The following CCDC85A variants were observed in gnomAD, a reference collection of about 807,000 sequenced individuals.
CCDC85A encodes the protein coiled-coil domain-containing protein 85A.
A neutral mutation model predicts 50.2 loss-of-function variants in CCDC85A; 38 were observed. The observed-to-expected ratio is 0.76, with a 90% confidence interval of 0.58 to 0.99. The LOEUF (loss-of-function observed/expected upper bound fraction) is 0.99. Ranked by LOEUF, CCDC85A falls within the 50% of genes least tolerant of loss-of-function variation. The pLI is 0.00. For synonymous variants in CCDC85A, 366 were observed against 301.4 expected, an observed-to-expected ratio of 1.21 and a Z score of -2.22; for missense variants, 820 against 742.0, an observed-to-expected ratio of 1.11 and a Z score of -1.22.
At chr2:56,346,927 C>T (rs1474888224) in intron 3 of CCDC85A, among the ~76,000 whole-genome samples, 1 of 152,120 alleles carries the variant, frequency 6.6e-6, no homozygotes, top group Non-Finnish European at 1.5e-5. Context: ...GAACCTCAAA[C>T]AAAAATCGTG....
chr2:56,340,298 T>A (rs1231209021), intron 2 of CCDC85A, among the ~76,000 whole-genome samples: 1 of 152,202 alleles, frequency 6.6e-6, no homozygotes, highest in Non-Finnish European at 1.5e-5. Context: ...CATGATGAAA[T>A]TCAGATCAGG....
intron 2 of CCDC85A, among the ~76,000 whole-genome samples, chr2:56,246,987 A>T (rs994255783): frequency 4.6e-5 from 7 of 152,242 alleles, no homozygotes; most frequent in Admixed American, 3.9e-4. Flanking sequence ...TGTGATTATT[A>T]TAATTTTCAA....
rs151078771 is a variant in CCDC85A, at chr2:56,300,334, A to G, written c.1241-42545A>G. ...TGTTGAATAAGTAAATGAACATGGA[A>G]AATTATTTCTTGCTGCTAAGAATAG... On this transcript the variant is annotated intron_variant, in intron 2 of 5. Coordinates refer to ENST00000407595, the MANE Select transcript of CCDC85A (RefSeq NM_001080433.2). Among the ~76,000 whole-genome samples, 834 of 152,354 alleles carry G rather than the reference A, an allele frequency of 5.5e-3. 7 individuals carry two copies. Among genetic ancestry groups the G allele is most frequent in the African/African-American group, 0.019 (774 of 41,584 alleles).
chr2:56,211,945 C>T (rs1677198103), intron 2 of CCDC85A, among the ~76,000 whole-genome samples: 1 of 152,020 alleles, frequency 6.6e-6, no homozygotes, highest in Non-Finnish European at 1.5e-5. Context: ...GGTAACAAGC[C>T]AGCAGTGCCA....
At chr2:56,229,789 A>G (rs1668701705) in intron 2 of CCDC85A, among the ~76,000 whole-genome samples, 1 of 152,218 alleles carries the variant, frequency 6.6e-6, no homozygotes, top group Admixed American at 6.5e-5. Context: ...AATATAGAGT[A>G]CAAATTAGTC....
intron 5 of CCDC85A, chr2:56,383,638 C>T: frequency 1.0e-6 from 1 of 985,006 alleles, no homozygotes; most frequent in Middle Eastern, 5.2e-4. Context: ...CATCATATTG[C>T]TTGGTAGCTA....
chr2:56,263,358 A>G (rs182595015), intron 2 of CCDC85A, among the ~76,000 whole-genome samples: 4 of 152,330 alleles, frequency 2.6e-5, no homozygotes, highest in Admixed American at 1.3e-4. Flanking sequence ...GAATGCTTGG[A>G]GACAGGTAGA....
At chr2:56,228,830 G>A (rs899500341) in intron 2 of CCDC85A, among the ~76,000 whole-genome samples, 3 of 152,098 alleles carry the variant, frequency 2.0e-5, no homozygotes, top group Admixed American at 2.0e-4. Flanking sequence ...ACCACACCAG[G>A]CCCTTTCTCC....
chr2:56,293,729 G>T (rs1054396926), intron 2 of CCDC85A, among the ~76,000 whole-genome samples: 2 of 152,148 alleles, frequency 1.3e-5, no homozygotes, highest in Non-Finnish European at 2.9e-5. Context: ...GATCATTAGA[G>T]AAATTCAAAT....
chr2:56,358,848 G>C (rs1323294222), intron 3 of CCDC85A, among the ~76,000 whole-genome samples: 1 of 151,286 alleles, frequency 6.6e-6, no homozygotes, highest in Non-Finnish European at 1.5e-5. Context: ...ACAGTGGCAC[G>C]ATCTTGGCTC....
intron 2 of CCDC85A, among the ~76,000 whole-genome samples, chr2:56,212,541 A>G (rs1057106638): frequency 2.6e-5 from 4 of 152,072 alleles, no homozygotes; most frequent in Admixed American, 2.6e-4. Flanking sequence ...ACATAAATAC[A>G]TATTTGGGAG....
intron 2 of CCDC85A, among the ~76,000 whole-genome samples, chr2:56,206,628 A>G (rs1434578814): frequency 6.6e-6 from 1 of 152,154 alleles, no homozygotes; most frequent in Non-Finnish European, 1.5e-5. Context: ...ATATTAATCC[A>G]TTCATGAAGG....
chr2:56,273,592 G>A (rs1178992520), intron 2 of CCDC85A, among the ~76,000 whole-genome samples: 3 of 151,876 alleles, frequency 2.0e-5, no homozygotes, highest in African/African-American at 7.3e-5. Flanking sequence ...ATTTTAAAAT[G>A]TGTCTTTCAT....
At position 56,197,741 on chromosome 2, in the gene CCDC85A, C is replaced by T. The variant is rs142081134; in HGVS notation, c.1240+4301C>T. On this transcript the variant is annotated intron_variant, in intron 2 of 5. Coordinates refer to ENST00000407595, the MANE Select transcript of CCDC85A (RefSeq NM_001080433.2). The stretch of plus-strand genomic sequence containing the variant: ...GGGAAGGACTGATCCCAGCTGTTAC[C>T]GTAAAACTTCACTCCATTCTAGACT... Among the ~76,000 whole-genome samples the T allele has an allele frequency of 1.5e-4, 23 of 152,280 alleles. No homozygotes were observed. The East Asian group carries it at 3.3e-3, about 22-fold the overall frequency.
intron 3 of CCDC85A, among the ~76,000 whole-genome samples, chr2:56,361,083 C>G (rs979499460): frequency 6.6e-6 from 1 of 152,138 alleles, no homozygotes; most frequent in African/African-American, 2.4e-5. Flanking sequence ...GAAACCCCAT[C>G]TCTACTAAAA....
At chr2:56,302,287 A>G (rs961137378) in intron 2 of CCDC85A, among the ~76,000 whole-genome samples, 4 of 152,150 alleles carry the variant, frequency 2.6e-5, no homozygotes, top group Admixed American at 2.0e-4. Flanking sequence ...AAATAAAAAA[A>G]ATAAGATCAT....
rs115677988 is a variant in CCDC85A, at chr2:56,354,532, T to G, written c.1317+11577T>G. 5.2e-3 allele frequency among the ~76,000 whole-genome samples: 785 copies of G among 152,336 alleles called. 4 individuals are homozygous for G. Among genetic ancestry groups the G allele is most frequent in the Non-Finnish European group, 8.4e-3 (573 of 68,022 alleles). On this transcript the variant is annotated intron_variant, in intron 3 of 5. Coordinates refer to ENST00000407595, the MANE Select transcript of CCDC85A (RefSeq NM_001080433.2). ...ACTAAGAAGTGGATGAGGCCTTTCT[T>G]TAGATTTTCTGGTTGACATCATGAA...
At chr2:56,343,944 A>G (rs1674502965) in intron 3 of CCDC85A, among the ~76,000 whole-genome samples, 1 of 152,132 alleles carries the variant, frequency 6.6e-6, no homozygotes, top group Non-Finnish European at 1.5e-5. Flanking sequence ...TTTGTTTTTG[A>G]ACTACTTTTG....
rs144943546 is a variant in CCDC85A, at chr2:56,376,726, A to G, written c.1572+791A>G. 1.4e-4 allele frequency among the ~76,000 whole-genome samples: 21 copies of G among 152,340 alleles called. No homozygotes were observed. In the East Asian group the frequency reaches 4.1e-3, roughly 29 times the overall value. On this transcript the variant is annotated intron_variant, in intron 5 of 5. Transcript: ENST00000407595. Reference sequence around the variant, plus strand: ...TTACAAATTGAGATGGTTTCTTGAAATTTTATCAGTTTCAATGTATGAAGC... The same window carrying G: ...TTACAAATTGAGATGGTTTCTTGAAGTTTTATCAGTTTCAATGTATGAAGC...
Sources: gnomAD v4.1 joint callset for allele counts (sites outside exome capture counted in the v4.1 genomes callset) on GRCh38, gnomAD v4.1.1 for gene constraint, MANE v1.5 for transcripts, NCBI Gene and HGNC (gene_info 2026-07-23, HGNC 2026-07-21) for gene names.